Variants in SLC16A12 observed in about 807,000 individuals in gnomAD.
SLC16A12 encodes the protein monocarboxylate transporter 12.
Under a neutral mutation model 42.4 loss-of-function variants are expected in SLC16A12, and 17 were observed. The ratio of observed to expected loss-of-function variants is 0.40; its 90% confidence interval spans 0.27 to 0.60. SLC16A12 has a LOEUF of 0.60. SLC16A12 is among the 20% of genes least tolerant of loss of function. The probability of loss-of-function intolerance (pLI) is 0.42; values close to 1 mark genes in which losing one functional copy is unlikely to be tolerated. For synonymous variants in SLC16A12, 224 were observed against 229.4 expected (o/e 0.98, Z 0.21); for missense variants, 544 against 623.0 (o/e 0.87, Z 1.35).
At chr10:89,539,419 C>T (rs988400991), upstream of SLC16A12, among the ~76,000 whole-genome samples, 1 of 152,104 alleles carries the variant, frequency 6.6e-6, no homozygotes, top group African/African-American at 2.4e-5. Context: ...CCATTTGTAG[C>T]CAATAAATAA....
chr10:89,488,022 TAATA>T (rs1842789854), intron 2 of SLC16A12, among the ~76,000 whole-genome samples: 1 of 143,224 alleles, frequency 7.0e-6, no homozygotes, highest in African/African-American at 2.5e-5. Flanking sequence ...TATACCATAT[TAATA>T]TATATTAAAT....
chr10:89,458,538 T>G (rs1842237900), intron 3 of SLC16A12, among the ~76,000 whole-genome samples: 1 of 152,210 alleles, frequency 6.6e-6, no homozygotes, highest in South Asian at 2.1e-4. Context: ...ATGACTCAAG[T>G]GACAGGCATT....
At chr10:89,452,332 A>T (rs1200803369) in intron 3 of SLC16A12, among the ~76,000 whole-genome samples, 1 of 152,332 alleles carries the variant, frequency 6.6e-6, no homozygotes, top group South Asian at 2.1e-4. Context: ...CTATAAAATA[A>T]GAGTTGCTTG....
chr10:89,433,348 T>A (rs1841724279), intron 7 of SLC16A12, 22 bp from the exon 8 acceptor site: 2 of 1,612,104 alleles, frequency 1.2e-6, no homozygotes, highest in South Asian at 2.2e-5. Context: ...AACAGCAAAA[T>A]TTTATTTTTG....
At chr10:89,536,375 A>C (rs1268610700), upstream of SLC16A12, among the ~76,000 whole-genome samples, 1 of 152,068 alleles carries the variant, frequency 6.6e-6, no homozygotes, top group African/African-American at 2.4e-5. Flanking sequence ...ACGCATCTGA[A>C]AATCTCATAA....
At chr10:89,441,383 A>G (rs954389122) in intron 4 of SLC16A12, 132 bp from the exon 5 acceptor site, 50 of 1,093,996 alleles carry the variant, frequency 4.6e-5, no homozygotes, top group Non-Finnish European at 6.6e-5. Context: ...AGCTTTGGAA[A>G]CTGAGGCCCA....
chr10:89,475,851 G>A (rs956773990), intron 2 of SLC16A12, among the ~76,000 whole-genome samples: 1 of 152,168 alleles, frequency 6.6e-6, no homozygotes, highest in Non-Finnish European at 1.5e-5. Flanking sequence ...GGTACAACTC[G>A]TGATTCACAT....
rs960656199 is a variant in SLC16A12, at chr10:89,462,488, T to C, written c.91A>G (p.Met31Val). The C allele has an allele frequency of 4.3e-6, 7 of 1,613,934 alleles. No individual in the cohort carries two copies. The highest frequency in any genetic ancestry group is 3.3e-5 in the Admixed American group (2 of 59,988). Residue 31 changes from methionine (M) to valine (V), a missense_variant, in exon 3 of 8, where the codon ATG becomes GTG. By Grantham distance (21) the Met-to-Val change is conservative (BLOSUM62 1). Coordinates refer to ENST00000371790, the MANE Select transcript of SLC16A12 (RefSeq NM_213606.4). ...GACCGAGCTCTATTTACTTTTGCCA[T>C]GGTTTTTCTTTTTTCTTCTTTTCCA... ...QPGKEEKRKT[M>V]AKVNRARSTS... is the part of the protein sequence containing the mutation.
At chr10:89,543,487 T>A (rs1241997581) in intron 2 of SLC16A12, among the ~76,000 whole-genome samples, 1 of 152,180 alleles carries the variant, frequency 6.6e-6, no homozygotes, top group Non-Finnish European at 1.5e-5. Context: ...AACATAATAA[T>A]AACACTTCAT....
At chr10:89,544,064 C>G (rs115803409) in intron 2 of SLC16A12, among the ~76,000 whole-genome samples, 9 of 152,226 alleles carry the variant, frequency 5.9e-5, no homozygotes, top group African/African-American at 2.2e-4. Context: ...TGTTGTTTAC[C>G]TCTGTTGCTC....
At chr10:89,549,807 G>GT (rs1377360997) in intron 2 of SLC16A12, among the ~76,000 whole-genome samples, 1 of 152,242 alleles carries the variant, frequency 6.6e-6, no homozygotes, top group East Asian at 1.9e-4. Context: ...AGCCAGCATT[G>GT]TAACAAGCTT....
At chr10:89,461,233 T>A (rs1378968348) in intron 3 of SLC16A12, among the ~76,000 whole-genome samples, 1 of 152,184 alleles carries the variant, frequency 6.6e-6, no homozygotes, top group East Asian at 1.9e-4. Context: ...TGGAGAAAAG[T>A]AAGAGGGAGA....
chr10:89,511,839 A>T (rs1843166708), intron 2 of SLC16A12, among the ~76,000 whole-genome samples: 1 of 152,190 alleles, frequency 6.6e-6, no homozygotes, highest in South Asian at 2.1e-4. Context: ...AAAAGCCAGG[A>T]CTCAAACAAA....
rs116488373 is a variant in SLC16A12, at chr10:89,530,740, A to G, written c.-47+3761T>C. On this transcript the variant is annotated intron_variant, in intron 2 of 7. Coordinates refer to ENST00000371790, the MANE Select transcript of SLC16A12 (RefSeq NM_213606.4). ...GGCTGGTGGTTTTCATATATTTACA[A>G]TGTTGTGCAACCACCACCCCATTAT... Among the ~76,000 whole-genome samples the G allele has an allele frequency of 8.5e-3, 1,294 of 152,142 alleles. 20 individuals are homozygous for G. The highest frequency in any genetic ancestry group is 0.03 in the African/African-American group (1,257 of 41,520).
intron 2 of SLC16A12, among the ~76,000 whole-genome samples, chr10:89,522,777 T>C (rs367766056): frequency 5.9e-5 from 9 of 152,326 alleles, no homozygotes; most frequent in East Asian, 3.9e-4. Context: ...GTTACCTCAA[T>C]TGTAAATTAA....
intron 3 of SLC16A12, among the ~76,000 whole-genome samples, chr10:89,453,924 C>T (rs184595797): frequency 7.4e-4 from 113 of 152,224 alleles, no homozygotes; most frequent in African/African-American, 2.6e-3. Context: ...CAAAATCAGT[C>T]TGCCCGAGAA....
Position 89,438,824 on chromosome 10 carries a change from A to T in SLC16A12, c.808T>A (p.Cys270Ser). Residue 270 changes from cysteine to serine, a missense_variant, in exon 6 of 8, where the codon TGT becomes AGT. Coordinates refer to ENST00000371790, the MANE Select transcript of SLC16A12 (RefSeq NM_213606.4). ...KEWAQTCLCC[C>S]LQQEYSFLLM... ...AAAAAACTGTACTCTTGCTGCAAAC[A>T]GCAACAGAGGCAAGTCTGTGCCCAT... 1 of 1,614,224 alleles carries T rather than the reference A, an allele frequency of 6.2e-7. No individual in the cohort carries two copies.
chr10:89,436,261 A>C lies in SLC16A12; in HGVS notation c.1087T>G (p.Cys363Gly). 1 of 1,614,164 alleles carries C rather than the reference A, an allele frequency of 6.2e-7. No individual in the cohort carries two copies. The highest frequency in any genetic ancestry group is 8.5e-7 in the Non-Finnish European group (1 of 1,179,996). The change falls in exon 7 of 8, where the codon TGC becomes GGC. Residue 363 changes from cysteine (C) to glycine (G), a missense_variant. Cys to Gly is a radical substitution (Grantham distance 159, BLOSUM62 -3). Transcript: ENST00000371790. Reference sequence around the variant, plus strand: ...TGAAGCATTGGGAGGCAGAGATAGCAGAGCCCATCCATTCCCACGGCAAAG... The same window carrying C: ...TGAAGCATTGGGAGGCAGAGATAGCCGAGCCCATCCATTCCCACGGCAAAG... Reference protein sequence around the residue: ...YLFAVGMDGLCYLCLPMLQSL... With the variant: ...YLFAVGMDGLGYLCLPMLQSL...
In SLC16A12 at chr10:89,477,872, C is replaced by T. The variant is rs139866629; in HGVS notation, c.-46-15248G>A. Among the ~76,000 whole-genome samples the T allele has an allele frequency of 2.8e-3, 390 of 139,388 alleles. 10 individuals carry two copies. In the East Asian group the frequency reaches 0.076, roughly 27 times the overall value. The allele number at this position is 139,388 out of a possible 152,430, so 91.4% of individuals were successfully genotyped here. A position where few individuals can be genotyped will look rare whatever the true frequency, so the allele number is the denominator to read the frequency against. On this transcript the variant is annotated intron_variant, in intron 2 of 7. Transcript: ENST00000371790. ...AGACCGGCCCCTGCCCTGCCCCCGC[C>T]CCCACCCCCACCCCGATGAAGTCCC...
Sources: allele counts gnomAD v4.1 joint callset (sites outside exome capture counted in the v4.1 genomes callset), GRCh38; gene constraint gnomAD v4.1.1; transcripts MANE v1.5; gene names NCBI Gene and HGNC (gene_info 2026-07-23, HGNC 2026-07-21).